Variants in ZNF552 observed in about 807,000 individuals in gnomAD.
ZNF552 encodes the protein zinc finger protein 552.
Under a neutral mutation model 7.2 loss-of-function variants are expected in ZNF552, and 2 were observed. That is an observed-to-expected ratio of 0.28 (90% CI 0.11 to 0.88). The LOEUF is 0.88. ZNF552 is among the 40% of genes least tolerant of loss of function. The probability of loss-of-function intolerance (pLI) is 0.60; values close to 1 mark genes in which losing one functional copy is unlikely to be tolerated. For synonymous variants in ZNF552, 173 were observed against 176.5 expected, an observed-to-expected ratio of 0.98 and a Z score of 0.16; for missense variants, 421 against 493.4, an observed-to-expected ratio of 0.85 and a Z score of 1.39.
chr19:57,808,465 G>A lies in ZNF552; in HGVS notation c.799C>T (p.Pro267Ser), dbSNP rs759424404. The A allele has an allele frequency of 3.1e-6, 5 of 1,613,768 alleles. No homozygotes were observed. The East Asian group carries it at 6.7e-5, about 22-fold the overall frequency. Residue 267 changes from proline (P) to serine (S), a missense_variant, in exon 3 of 3, where the codon CCT becomes TCT. By Grantham distance (74) the Pro-to-Ser change is moderately conservative (BLOSUM62 -1). Around this residue, in one of 2 missense-constraint regions of ZNF552, gnomAD observed 299 missense variants for 293.7 expected, o/e 1.02. Coordinates refer to ENST00000391701, the MANE Select transcript of ZNF552 (RefSeq NM_024762.3). ...TTCCCACATATCCCACACGTATAAG[G>A]TTTTTCTCTAGTGTGAACTCCTTGA... ...NHQGVHTREK[P>S]YTCGICGKLF...
chr19:57,807,836 T>A lies in ZNF552; in HGVS notation c.*204A>T. On this transcript the variant is annotated 3_prime_UTR_variant, in exon 3 of 3. Transcript: ENST00000391701. ...CACTAGTAAGGCCTTCATTCAGTGTTAACTATAATCCTGAAGGAATACAGA... is the reference window on the plus strand; with the variant it reads ...CACTAGTAAGGCCTTCATTCAGTGTAAACTATAATCCTGAAGGAATACAGA... 1.3e-6 allele frequency: 1 copy of A among 773,540 alleles called. No homozygotes were observed. Among genetic ancestry groups the A allele is most frequent in the Admixed American group, 3.3e-5 (1 of 29,994 alleles). The allele number at this position is 773,540 out of a possible 1,614,324, so 47.9% of individuals were successfully genotyped here. A position where few individuals can be genotyped will look rare whatever the true frequency, so the allele number is the denominator to read the frequency against.
intron 2 of ZNF552, among the ~76,000 whole-genome samples, chr19:57,812,788 C>T (rs1056158580): frequency 4.6e-5 from 7 of 152,264 alleles, no homozygotes; most frequent in East Asian, 1.9e-4. Flanking sequence ...AGGCTGTTCT[C>T]GAACTCCTGG....
rs577253462 is a variant in ZNF552 at position 57,809,089 on chromosome 19, C to T, written c.175G>A (p.Val59Met). Reference protein sequence around the residue: ...LMSSLGCWCGVEDEAAPSKQS... With the variant: ...LMSSLGCWCGMEDEAAPSKQS... ...TTAGAAGGTGCCGCCTCATCTTCCA[C>T]TCCACACCAACAACCTGAAAGCAAG... Residue 59 changes from valine to methionine, a missense_variant, in exon 3 of 3, where the codon GTG becomes ATG. Physicochemically the swap from Val to Met is conservative, Grantham distance 21. Coordinates refer to ENST00000391701, the MANE Select transcript of ZNF552 (RefSeq NM_024762.3). The T allele has an allele frequency of 6.5e-7, 1 of 1,541,342 alleles. No homozygotes were observed. Among genetic ancestry groups the T allele is most frequent in the East Asian group, 2.3e-5 (1 of 43,960 alleles).
At chr19:57,810,002 G>A (rs1987822968) in intron 2 of ZNF552, among the ~76,000 whole-genome samples, 1 of 152,058 alleles carries the variant, frequency 6.6e-6, no homozygotes, top group Non-Finnish European at 1.5e-5. Context: ...AGCTACTCAG[G>A]AGACTGAGGC....
Position 57,808,365 on chromosome 19 carries a change from A to T in ZNF552, c.899T>A (p.Val300Asp). The T allele has an allele frequency of 1.2e-6, 2 of 1,612,650 alleles. No homozygotes were observed. Among genetic ancestry groups the T allele is most frequent in the South Asian group, 2.2e-5 (2 of 91,000 alleles). Reference protein sequence around the residue: ...HTGEKPYECEVCQKFFRHKYH... With the variant: ...HTGEKPYECEDCQKFFRHKYH... ...CTTGTGCCTAAAAAATTTCTGACAAACCTCACACTCATATGGCTTCTCTCC... is the reference window on the plus strand; with the variant it reads ...CTTGTGCCTAAAAAATTTCTGACAATCCTCACACTCATATGGCTTCTCTCC... Residue 300 changes from valine (V) to aspartate (D), a missense_variant, in exon 3 of 3, where the codon GTT becomes GAT. Coordinates refer to ENST00000391701, the MANE Select transcript of ZNF552 (RefSeq NM_024762.3).
chr19:57,814,308 G>GGC, intron 1 of ZNF552: 1 of 604,368 alleles, frequency 1.7e-6, no homozygotes, highest in Non-Finnish European at 2.9e-6. Flanking sequence ...TTATTTATTT[G>GGC]GCCTTTAGGA....
rs374514848 is a variant in ZNF552 at position 57,808,656 on chromosome 19, G to C, written c.608C>G (p.Ser203Cys). The change falls in exon 3 of 3, where the codon TCT becomes TGT. Residue 203 changes from serine (S) to cysteine (C), a missense_variant. Transcript: ENST00000391701. ...GKSNSKTECV[S>C]LFHGGKSHYS... ...ATGGCTTTTTCCCCCATGAAACAGAGACACACACTCAGTTTTGCTGTTTGA... is the reference window on the plus strand; with the variant it reads ...ATGGCTTTTTCCCCCATGAAACAGACACACACACTCAGTTTTGCTGTTTGA... The C allele has an allele frequency of 3.2e-5, 51 of 1,614,052 alleles. No individual in the cohort carries two copies. The highest frequency in any genetic ancestry group is 2.7e-5 in the Non-Finnish European group (32 of 1,180,052).
In ZNF552 at chr19:57,808,826, G is replaced by T; in HGVS notation, c.438C>A (p.Pro146=). The T allele has an allele frequency of 6.2e-7, 1 of 1,614,002 alleles. No homozygotes were observed. The highest frequency in any genetic ancestry group is 1.3e-5 in the African/African-American group (1 of 74,972). Residue 146 remains proline (P), a synonymous_variant, in exon 3 of 3, where the codon CCC becomes CCA. Transcript: ENST00000391701. ...QHQNEHIGEK[P]YRGSVEEALF... Reference sequence around the variant, plus strand: ...ACGCCTCCTCAACACTCCCTCTGTAGGGTTTCTCTCCAATGTGCTCATTCT... The same window carrying T: ...ACGCCTCCTCAACACTCCCTCTGTATGGTTTCTCTCCAATGTGCTCATTCT...
chr19:57,814,503 C>T, intron 1 of ZNF552: 1 of 1,536,426 alleles, frequency 6.5e-7, no homozygotes, highest in Non-Finnish European at 8.7e-7. Flanking sequence ...CCGTCCATCT[C>T]CAGGCCATTG....
intron 1 of ZNF552, 66 bp downstream of exon 1, chr19:57,814,644 TC>T (rs1297967761): frequency 6.2e-7 from 1 of 1,613,200 alleles, no homozygotes; most frequent in Admixed American, 1.7e-5. Context: ...CAGGTGCCGC[TC>T]CCTCGCTGCT....
Position 57,811,242 on chromosome 19 carries a change from G to A in ZNF552, c.160+2052C>T, listed in dbSNP as rs547694417. Among the ~76,000 whole-genome samples the A allele has an allele frequency of 3.9e-5, 6 of 151,978 alleles. No homozygotes were observed. The South Asian group carries it at 1.0e-3, about 26-fold the overall frequency. On this transcript the variant is annotated intron_variant, in intron 2 of 2. Transcript: ENST00000391701. ...GGCTGGAGTGCGGTGGCACAATCGC[G>A]GCTCACTGCAAGCTCCGCCTGCCGG...
rs551815584 is a variant in ZNF552 at position 57,812,444 on chromosome 19, C to T, written c.160+850G>A. On this transcript the variant is annotated intron_variant, in intron 2 of 2. Transcript: ENST00000391701. ...CTGACCACAGAAGATGATCCCACCA[C>T]CAAGATAACCAAGTACATGAGACAT... Among the ~76,000 whole-genome samples, 126 of 152,118 alleles carry T rather than the reference C, an allele frequency of 8.3e-4. 1 individual carries two copies. Among genetic ancestry groups the T allele is most frequent in the Admixed American group, 8.2e-3 (125 of 15,276 alleles).
intron 1 of ZNF552, among the ~76,000 whole-genome samples, chr19:57,813,734 C>CTTTTT (rs528034833): frequency 9.3e-5 from 8 of 86,300 alleles, no homozygotes; most frequent in African/African-American, 2.1e-4. Flanking sequence ...GCACCTCATT[C>CTTTTT]TTTTTTTTTT....
At position 57,808,217 on chromosome 19, in the gene ZNF552, CTGACCAGTG is replaced by C. The variant is rs768923710; in HGVS notation, c.1038_1046del (p.His346_Gly348del). On this transcript the variant is annotated inframe_deletion, in exon 3 of 3. Coordinates refer to ENST00000391701, the MANE Select transcript of ZNF552 (RefSeq NM_024762.3). Reference sequence around the variant, plus strand: ...CACATTCACTGCACTCATAAGGCTTCTGACCAGTGTGAACTCTCTTATGAACACGGAATG... The same window carrying C: ...CACATTCACTGCACTCATAAGGCTTCTGAACTCTCTTATGAACACGGAATG... The C allele has an allele frequency of 3.1e-6, 5 of 1,614,078 alleles. No individual in the cohort carries two copies. The highest frequency in any genetic ancestry group is 4.2e-6 in the Non-Finnish European group (5 of 1,180,018).
intron 2 of ZNF552, 52 bp downstream of exon 2, chr19:57,813,242 G>A (rs1336880146): frequency 1.9e-6 from 3 of 1,604,684 alleles, no homozygotes; most frequent in African/African-American, 1.4e-5. Context: ...AGAAAAAGAG[G>A]GGGAAAGACA....
intron 2 of ZNF552, among the ~76,000 whole-genome samples, chr19:57,811,995 C>T (rs1987866889): frequency 6.8e-6 from 1 of 146,420 alleles, no homozygotes; most frequent in African/African-American, 2.5e-5. Context: ...CACCACTACA[C>T]TCCAGCCTGG....
In ZNF552 at chr19:57,808,698, G is replaced by A; in HGVS notation, c.566C>T (p.Ala189Val). 1.9e-6 allele frequency: 3 copies of A among 1,614,158 alleles called. No individual in the cohort carries two copies. The highest frequency in any genetic ancestry group is 2.5e-6 in the Non-Finnish European group (3 of 1,180,030). The change falls in exon 3 of 3, where the codon GCC becomes GTC. Residue 189 changes from alanine to valine, a missense_variant. Physicochemically the swap from Ala to Val is moderately conservative, Grantham distance 64. Coordinates refer to ENST00000391701, the MANE Select transcript of ZNF552 (RefSeq NM_024762.3). Reference sequence around the variant, plus strand: ...GCTGTTTGACTTCCCAGTGTGAGTGGCCTCTTGCTGGAGTAATCCTGACCT... The same window carrying A: ...GCTGTTTGACTTCCCAGTGTGAGTGACCTCTTGCTGGAGTAATCCTGACCT... ...LLRSGLLQQE[A>V]THTGKSNSKT...
At chr19:57,810,793 G>A (rs1410435300) in intron 2 of ZNF552, among the ~76,000 whole-genome samples, 2 of 152,150 alleles carry the variant, frequency 1.3e-5, no homozygotes, top group African/African-American at 2.4e-5. Context: ...TCTGTCTCCC[G>A]CTCATCCCTG....
chr19:57,811,101 C>A (rs909147944), intron 2 of ZNF552, among the ~76,000 whole-genome samples: 3 of 151,956 alleles, frequency 2.0e-5, no homozygotes, highest in Non-Finnish European at 2.9e-5. Flanking sequence ...AGACTGGTGG[C>A]GGCAGGGGGA....
Sources: allele counts gnomAD v4.1 joint callset (sites outside exome capture counted in the v4.1 genomes callset), GRCh38; gene constraint gnomAD v4.1.1; regional missense constraint gnomAD v4.1.1; transcripts MANE v1.5; gene names NCBI Gene and HGNC (gene_info 2026-07-23, HGNC 2026-07-21).